Variants in GPC3 observed in about 807,000 individuals in gnomAD.
The protein encoded by GPC3 is glypican 3.
A neutral mutation model predicts 34.4 loss-of-function variants in GPC3; 3 were observed. The ratio of observed to expected loss-of-function variants is 0.09; its 90% CI spans 0.04 to 0.23. The LOEUF is 0.23. Among genes scored for constraint, GPC3 ranks in the 10% least tolerant of loss-of-function variants. GPC3 has a pLI of 1.00. For missense variants in GPC3, 351 were observed against 445.6 expected, an observed-to-expected ratio of 0.79 and a Z score of 1.91; for synonymous variants, 177 against 174.0, an observed-to-expected ratio of 1.02 and a Z score of -0.13.
intron 4 of GPC3, among the ~76,000 whole-genome samples, chrX:133,698,966 T>G (rs1050768860): frequency 8.9e-6 from 1 of 112,030 alleles, no homozygotes; most frequent in Non-Finnish European, 1.9e-5. Context: ...TGCTTCAGTT[T>G]CAAAAAAAGT....
At chrX:133,915,545 A>C (rs2076220438) in intron 2 of GPC3, among the ~76,000 whole-genome samples, 1 of 111,982 alleles carries the variant, frequency 8.9e-6, no homozygotes, top group African/African-American at 3.2e-5. Flanking sequence ...TTCAAGAGAA[A>C]AAAGTGTTTC....
At chrX:133,642,633 G>A (rs1056020861) in intron 6 of GPC3, among the ~76,000 whole-genome samples, 3 of 109,653 alleles carry the variant, frequency 2.7e-5, no homozygotes, top group East Asian at 2.9e-4. Flanking sequence ...TCAGCTGGGC[G>A]TGGTGGCGCA....
At chrX:133,750,627 G>A (rs904242860) in intron 3 of GPC3, among the ~76,000 whole-genome samples, 8 of 112,103 alleles carry the variant, frequency 7.1e-5, no homozygotes, top group Non-Finnish European at 1.3e-4. Flanking sequence ...ACTATTTCTT[G>A]GGTAGTTTTG....
chrX:133,829,383 A>G (rs1057112509), intron 2 of GPC3, among the ~76,000 whole-genome samples: 18 of 112,458 alleles, frequency 1.6e-4, no homozygotes, highest in Non-Finnish European at 2.4e-4. Flanking sequence ...AGACTTCAAC[A>G]CTTCACTTTC....
chrX:133,902,404 C>T (rs1176745160), intron 2 of GPC3, among the ~76,000 whole-genome samples: 1 of 112,254 alleles, frequency 8.9e-6, no homozygotes, highest in African/African-American at 3.2e-5. Flanking sequence ...ACATTTTCTT[C>T]TCATTTTTCT....
chrX:133,747,519 T>C (rs897782959), intron 3 of GPC3, among the ~76,000 whole-genome samples: 2 of 111,871 alleles, frequency 1.8e-5, no homozygotes. Flanking sequence ...GGATATTAAA[T>C]AATATAATAA....
intron 2 of GPC3, among the ~76,000 whole-genome samples, chrX:133,913,552 C>T (rs775266954): frequency 8.9e-6 from 1 of 111,999 alleles, no homozygotes; most frequent in Admixed American, 9.4e-5. Flanking sequence ...TCCAGACATG[C>T]AAGAACAGAC....
Position 133,737,679 on chromosome X carries a change from T to G in GPC3, c.1032+15803A>C, listed in dbSNP as rs2071523859. Reference sequence around the variant, plus strand: ...TCCCAAGGATGAACTCCACACCCCTTTAGCTTGATTTCTTGATTTAAGAGA... The same window carrying G: ...TCCCAAGGATGAACTCCACACCCCTGTAGCTTGATTTCTTGATTTAAGAGA... On this transcript the variant is annotated intron_variant, in intron 3 of 7. Coordinates refer to ENST00000370818, the MANE Select transcript of GPC3 (RefSeq NM_004484.4). 2.7e-5 allele frequency among the ~76,000 whole-genome samples: 3 copies of G among 111,621 alleles called. No individual in the cohort carries two copies. In the South Asian group the frequency reaches 1.1e-3, roughly 43 times the overall value.
intron 2 of GPC3, among the ~76,000 whole-genome samples, chrX:133,810,142 C>A (rs2075657140): frequency 8.9e-6 from 1 of 112,196 alleles, no homozygotes; most frequent in Admixed American, 9.5e-5. Flanking sequence ...CCCAGAAGTA[C>A]AAGCTCAAGT....
chrX:133,867,255 C>T (rs1418886830), intron 2 of GPC3, among the ~76,000 whole-genome samples: 3 of 110,552 alleles, frequency 2.7e-5, no homozygotes, highest in Non-Finnish European at 5.7e-5. Flanking sequence ...GGCTGAGTGG[C>T]TCCCAGGAAG....
At chrX:133,768,303 T>C (rs1223300151) in intron 2 of GPC3, among the ~76,000 whole-genome samples, 1 of 111,824 alleles carries the variant, frequency 8.9e-6, no homozygotes, top group Non-Finnish European at 1.9e-5. Context: ...ATTGACTCCA[T>C]GGACCTTTTC....
intron 5 of GPC3, among the ~76,000 whole-genome samples, chrX:133,691,262 G>C (rs2071059081): frequency 9.0e-6 from 1 of 110,957 alleles, no homozygotes; most frequent in Non-Finnish European, 1.9e-5. Context: ...ACTTTGGGAG[G>C]CCGAGGCAGG....
intron 3 of GPC3, among the ~76,000 whole-genome samples, chrX:133,739,080 G>T (rs972475142): frequency 9.0e-6 from 1 of 111,100 alleles, no homozygotes; most frequent in African/African-American, 3.3e-5. Context: ...TTTATCACAG[G>T]TAGGTATGTA....
At chrX:133,801,432 T>G (rs991265804) in intron 2 of GPC3, among the ~76,000 whole-genome samples, 1 of 112,186 alleles carries the variant, frequency 8.9e-6, no homozygotes, top group Non-Finnish European at 1.9e-5. Context: ...CTTGCTAACA[T>G]GTGTTTATAC....
chrX:133,908,965 C>T (rs1364289125), intron 2 of GPC3, among the ~76,000 whole-genome samples: 1 of 111,908 alleles, frequency 8.9e-6, no homozygotes, highest in East Asian at 2.8e-4. Context: ...TGGAGTCTGT[C>T]ATCCTATATA....
intron 2 of GPC3, among the ~76,000 whole-genome samples, chrX:133,786,191 G>A (rs900738315): frequency 1.8e-5 from 2 of 111,946 alleles, no homozygotes; most frequent in Non-Finnish European, 3.8e-5. Context: ...TCAGGAGTTC[G>A]AGACCAGCCT....
At chrX:133,735,488 G>A (rs909421478) in intron 3 of GPC3, among the ~76,000 whole-genome samples, 2 of 111,509 alleles carry the variant, frequency 1.8e-5, no homozygotes, top group African/African-American at 6.5e-5. Context: ...ATATTTAAGG[G>A]CTGATTCTAT....
At chrX:133,914,443 T>C (rs1287721144) in intron 2 of GPC3, among the ~76,000 whole-genome samples, 3 of 111,271 alleles carry the variant, frequency 2.7e-5, no homozygotes, top group Non-Finnish European at 5.7e-5. Flanking sequence ...ACCCTGGCTC[T>C]CAATTTGTAC....
At chrX:133,932,992 T>G (rs960992651) in intron 2 of GPC3, among the ~76,000 whole-genome samples, 1 of 111,658 alleles carries the variant, frequency 9.0e-6, no homozygotes, top group Non-Finnish European at 1.9e-5. Context: ...TATAGCGCTA[T>G]TTGGTTTAAT....
Sources: allele counts gnomAD v4.1 joint callset (sites outside exome capture counted in the v4.1 genomes callset), GRCh38; gene constraint gnomAD v4.1.1; transcripts MANE v1.5; gene names NCBI Gene and HGNC (gene_info 2026-07-23, HGNC 2026-07-21).